LGR6: variants seen among roughly 807,000 people sequenced by gnomAD.
LGR6 encodes leucine rich repeat containing G protein-coupled receptor 6.
A neutral mutation model predicts 69.4 loss-of-function variants in LGR6; 45 were observed. The observed-to-expected ratio is 0.65, with a 90% CI of 0.51 to 0.83. The LOEUF (loss-of-function observed/expected upper bound fraction) is 0.83, where lower values mean the gene tolerates loss of function less well. Among genes scored for constraint, LGR6 ranks in the 40% least tolerant of loss-of-function variants. LGR6 has a pLI of 0.00. For missense variants in LGR6, 1,108 were observed against 1,246.7 expected (o/e 0.89, Z 1.68); for synonymous variants, 538 against 555.0 (o/e 0.97, Z 0.43).
intron 4 of LGR6, among the ~76,000 whole-genome samples, chr1:202,253,795 ATTTTTTTTTTTTTTTT>A (rs71141469): frequency 2.1e-5 from 1 of 47,988 alleles, no homozygotes; most frequent in African/African-American, 7.0e-5. Flanking sequence ...CGCCTGGCTA[ATTTTTTTTTTTTTTTT>A]TTTTTTTTTT....
At chr1:202,252,325 A>AT in intron 4 of LGR6, among the ~76,000 whole-genome samples, 1 of 152,268 alleles carries the variant, frequency 6.6e-6, no homozygotes, top group East Asian at 1.9e-4. Flanking sequence ...TGCCTGCATC[A>AT]ATACAGCCCT....
intron 7 of LGR6, chr1:202,298,512 GC>G: frequency 6.8e-6 from 1 of 147,622 alleles, no homozygotes; most frequent in African/African-American, 2.5e-5. Context: ...AAATTTTCAG[GC>G]AGCTTAGTAT....
At chr1:202,204,594 A>G (rs1345817110) in intron 1 of LGR6, among the ~76,000 whole-genome samples, 1 of 133,482 alleles carries the variant, frequency 7.5e-6, no homozygotes, top group Non-Finnish European at 1.6e-5. Flanking sequence ...CCTCCTTCAA[A>G]CACACACACC....
At chr1:202,309,743 G>A (rs1331675458) in intron 15 of LGR6, among the ~76,000 whole-genome samples, 1 of 152,254 alleles carries the variant, frequency 6.6e-6, no homozygotes, top group East Asian at 1.9e-4. Context: ...ATGCCCAGAG[G>A]TGGGGGAGGG....
chr1:202,283,989 G>A (rs1666213252), intron 6 of LGR6, among the ~76,000 whole-genome samples: 1 of 152,194 alleles, frequency 6.6e-6, no homozygotes, highest in Non-Finnish European at 1.5e-5. Flanking sequence ...CTCAGAGATG[G>A]GGAGAAAGTG....
chr1:202,290,335 T>G (rs1299859182), intron 6 of LGR6, among the ~76,000 whole-genome samples: 1 of 152,224 alleles, frequency 6.6e-6, no homozygotes, highest in Non-Finnish European at 1.5e-5. Flanking sequence ...CATAATTATT[T>G]GGCTTTGACA....
intron 1 of LGR6, among the ~76,000 whole-genome samples, chr1:202,204,429 A>C: frequency 3.6e-5 from 2 of 55,860 alleles, no homozygotes; most frequent in East Asian, 8.2e-4. Context: ...ACACACCTCC[A>C]AACACACACA....
rs186979752 is a variant in LGR6, at chr1:202,208,629, C to T, written c.212+14428C>T. Among the ~76,000 whole-genome samples, 10 of 151,992 alleles carry T rather than the reference C, an allele frequency of 6.6e-5. No homozygotes were observed. The East Asian group carries it at 1.9e-3, about 29-fold the overall frequency. The stretch of plus-strand genomic sequence containing the variant: ...CAGCCAGTGGAAAGAGGAATGCCTA[C>T]CCCCCCGCCAGCCGACGCCACGCCA... On this transcript the variant is annotated intron_variant, in intron 1 of 17. Coordinates refer to ENST00000367278, the MANE Select transcript of LGR6 (RefSeq NM_001017403.2).
At chr1:202,311,055 T>A (rs1442955326) in intron 16 of LGR6, among the ~76,000 whole-genome samples, 4 of 151,924 alleles carry the variant, frequency 2.6e-5, no homozygotes, top group African/African-American at 9.7e-5. Context: ...TACTAAGTGG[T>A]ATCTTAGATA....
At chr1:202,210,174 C>T (rs1659407473) in intron 1 of LGR6, among the ~76,000 whole-genome samples, 1 of 152,110 alleles carries the variant, frequency 6.6e-6, no homozygotes, top group South Asian at 2.1e-4. Flanking sequence ...GGAGGCCTCC[C>T]CTCTGTGTGC....
chr1:202,237,076 G>A lies in LGR6; in HGVS notation c.428+1083G>A, dbSNP rs1051772423. ...GCTTTCCTCTCCTACTCCTTCCCTG[G>A]GTGCCCTCTACCCTCCTGCCTCTGT... On this transcript the variant is annotated intron_variant, in intron 4 of 17. Coordinates refer to ENST00000367278, the MANE Select transcript of LGR6 (RefSeq NM_001017403.2). Among the ~76,000 whole-genome samples the A allele has an allele frequency of 2.0e-5, 3 of 152,224 alleles. No homozygotes were observed. The South Asian group carries it at 6.2e-4, about 32-fold the overall frequency.
At chr1:202,201,994 C>T (rs1297550364) in intron 1 of LGR6, among the ~76,000 whole-genome samples, 1 of 152,112 alleles carries the variant, frequency 6.6e-6, no homozygotes, top group African/African-American at 2.4e-5. Flanking sequence ...CTCACTGTAT[C>T]AGATAATCCT....
chr1:202,211,291 A>T (rs999897010), intron 1 of LGR6, among the ~76,000 whole-genome samples: 1 of 152,268 alleles, frequency 6.6e-6, no homozygotes, highest in Non-Finnish European at 1.5e-5. Context: ...ACTGAGAATT[A>T]TTCATGAGAT....
intron 1 of LGR6, 145 bp downstream of exon 1, chr1:202,194,346 C>T (rs1326419118): frequency 2.2e-5 from 13 of 599,034 alleles, no homozygotes; most frequent in Admixed American, 1.7e-4. Flanking sequence ...TTGACCGTTG[C>T]GGGACTGGGG....
intron 6 of LGR6, among the ~76,000 whole-genome samples, chr1:202,284,212 C>T (rs1666232756): frequency 6.6e-6 from 1 of 152,216 alleles, no homozygotes; most frequent in Admixed American, 6.5e-5. Flanking sequence ...GGACATTTCT[C>T]CTGATGTAGT....
chr1:202,226,785 G>T (rs1302304634), intron 2 of LGR6, among the ~76,000 whole-genome samples: 1 of 152,220 alleles, frequency 6.6e-6, no homozygotes, highest in Non-Finnish European at 1.5e-5. Flanking sequence ...GAGTGGTCAG[G>T]GTTGGCCTGG....
intron 4 of LGR6, among the ~76,000 whole-genome samples, chr1:202,259,063 A>G (rs1664019761): frequency 6.6e-6 from 1 of 152,112 alleles, no homozygotes; most frequent in African/African-American, 2.4e-5. Flanking sequence ...TACTAAACCC[A>G]TTATACTATA....
At chr1:202,247,278 C>T (rs192921140) in intron 4 of LGR6, among the ~76,000 whole-genome samples, 1 of 152,358 alleles carries the variant, frequency 6.6e-6, no homozygotes, top group Non-Finnish European at 1.5e-5. Flanking sequence ...TGCAGACCTG[C>T]TCACGCAGAT....
chr1:202,221,842 C>T (rs1261612691), intron 1 of LGR6, among the ~76,000 whole-genome samples: 4 of 152,244 alleles, frequency 2.6e-5, no homozygotes, highest in Non-Finnish European at 4.4e-5. Context: ...TCTTATTTCC[C>T]CTGGGTCCAG....
Sources: gnomAD v4.1 joint callset for allele counts (sites outside exome capture counted in the v4.1 genomes callset) on GRCh38, gnomAD v4.1.1 for gene constraint, MANE v1.5 for transcripts, NCBI Gene and HGNC (gene_info 2026-07-23, HGNC 2026-07-21) for gene names.